The following MDGA2 variants were observed in gnomAD, a reference collection of about 807,000 sequenced individuals.
MDGA2 encodes MAM domain containing glycosylphosphatidylinositol anchor 2.
A neutral mutation model predicts 117.8 loss-of-function variants in MDGA2; 40 were observed. The ratio of observed to expected loss-of-function variants is 0.34; its 90% CI spans 0.26 to 0.44. The LOEUF (loss-of-function observed/expected upper bound fraction) is 0.44. Among genes scored for constraint, MDGA2 ranks in the 20% least tolerant of loss-of-function variants. The pLI, the probability that MDGA2 is intolerant of heterozygous loss-of-function variation, is 1.00. For synonymous variants in MDGA2, 452 were observed against 439.0 expected, an observed-to-expected ratio of 1.03 and a Z score of -0.37; for missense variants, 1,123 against 1,250.6, an observed-to-expected ratio of 0.90 and a Z score of 1.54.
At chr14:47,385,983 T>C (rs1465705468) in intron 1 of MDGA2, among the ~76,000 whole-genome samples, 1 of 152,154 alleles carries the variant, frequency 6.6e-6, no homozygotes, top group African/African-American at 2.4e-5. Flanking sequence ...TTCTAATTTA[T>C]GAAAGCATAG....
intron 8 of MDGA2, among the ~76,000 whole-genome samples, chr14:46,978,982 T>C (rs1886568819): frequency 6.6e-6 from 1 of 152,158 alleles, no homozygotes; most frequent in African/African-American, 2.4e-5. Flanking sequence ...TTATTGTGTT[T>C]CACAGACAAT....
intron 1 of MDGA2, among the ~76,000 whole-genome samples, chr14:47,644,230 T>C (rs1040362291): frequency 1.3e-5 from 2 of 152,176 alleles, no homozygotes; most frequent in Admixed American, 1.3e-4. Context: ...AAAATGTGAT[T>C]ACATTAAAGA....
chr14:47,624,273 C>T (rs1373419053), intron 1 of MDGA2, among the ~76,000 whole-genome samples: 1 of 152,126 alleles, frequency 6.6e-6, no homozygotes, highest in African/African-American at 2.4e-5. Context: ...GCATGGCCAA[C>T]ACAGTGAAAT....
chr14:47,527,531 G>A (rs921977535), intron 1 of MDGA2, among the ~76,000 whole-genome samples: 2 of 152,198 alleles, frequency 1.3e-5, no homozygotes, highest in Non-Finnish European at 2.9e-5. Flanking sequence ...AAACAAGTGA[G>A]CCAAAAACTG....
chr14:47,290,473 T>TA, intron 2 of MDGA2, among the ~76,000 whole-genome samples: 1 of 152,288 alleles, frequency 6.6e-6, no homozygotes, highest in East Asian at 1.9e-4. Context: ...TATTTTGTTA[T>TA]AGCAGTCCAG....
chr14:47,213,966 T>C (rs1462954600), intron 3 of MDGA2, among the ~76,000 whole-genome samples: 1 of 152,124 alleles, frequency 6.6e-6, no homozygotes, highest in Non-Finnish European at 1.5e-5. Context: ...GAGTACCTTT[T>C]TGGCGAGTAG....
intron 1 of MDGA2, among the ~76,000 whole-genome samples, chr14:47,509,275 A>T (rs1594892736): frequency 1.3e-5 from 2 of 152,344 alleles, no homozygotes; most frequent in South Asian, 4.1e-4. Flanking sequence ...GTGCGTGAGT[A>T]TATTTTGTAA....
chr14:47,067,650 G>C (rs1024726571), intron 6 of MDGA2, among the ~76,000 whole-genome samples: 1 of 152,138 alleles, frequency 6.6e-6, no homozygotes, highest in African/African-American at 2.4e-5. Context: ...GTTTGTTCCT[G>C]TCTCTGAAAT....
intron 1 of MDGA2, among the ~76,000 whole-genome samples, chr14:47,314,950 T>C (rs1889759536): frequency 6.6e-6 from 1 of 152,126 alleles, no homozygotes; most frequent in African/African-American, 2.4e-5. Context: ...GCATATTGTG[T>C]ACCTAGAGAC....
chr14:47,298,338 T>TA (rs1163744955), intron 2 of MDGA2, among the ~76,000 whole-genome samples: 3 of 151,704 alleles, frequency 2.0e-5, no homozygotes. Context: ...CAATATACCA[T>TA]AAAAAAAATT....
rs56313968 is a variant in MDGA2, at chr14:47,636,784, C to CAAAAAA, written c.280+37727_280+37732dup. ...TGGGCGACAGAGCGAGACTCCGTCT[C>CAAAAAA]AAAAAAAAAAAAAAAAAAAAAAAAA... On this transcript the variant is annotated intron_variant, in intron 1 of 16. Coordinates refer to ENST00000399232, the MANE Select transcript of MDGA2 (RefSeq NM_001113498.3). Among the ~76,000 whole-genome samples the CAAAAAA allele has an allele frequency of 5.2e-4, 24 of 45,998 alleles. 1 individual carries two copies. The highest frequency in any genetic ancestry group is 3.9e-3 in the East Asian group (5 of 1,290). The allele number at this position is 45,998 out of a possible 152,430, so 30.2% of individuals were successfully genotyped here. A position where few individuals can be genotyped will look rare whatever the true frequency, so the allele number is the denominator to read the frequency against.
At chr14:47,621,516 C>T (rs1897049702) in intron 1 of MDGA2, among the ~76,000 whole-genome samples, 1 of 152,066 alleles carries the variant, frequency 6.6e-6, no homozygotes, top group Non-Finnish European at 1.5e-5. Context: ...TACATTCTTG[C>T]CTCTTTTCAT....
intron 1 of MDGA2, among the ~76,000 whole-genome samples, chr14:47,403,568 G>A (rs1241577391): frequency 3.3e-5 from 5 of 152,054 alleles, no homozygotes; most frequent in African/African-American, 1.2e-4. Flanking sequence ...CACTGCCATT[G>A]TCTCAACTCA....
chr14:47,094,168 A>G (rs933442284), intron 6 of MDGA2, among the ~76,000 whole-genome samples: 3 of 152,074 alleles, frequency 2.0e-5, no homozygotes, highest in Admixed American at 2.0e-4. Context: ...TTCTAAATTC[A>G]GTAAGATTAT....
intron 1 of MDGA2, among the ~76,000 whole-genome samples, chr14:47,660,047 T>G (rs746143881): frequency 3.3e-5 from 5 of 152,198 alleles, no homozygotes; most frequent in Admixed American, 6.5e-5. Context: ...CCATGCTTTT[T>G]TTTTTTAAAG....
intron 13 of MDGA2, 43 bp from the exon 14 acceptor site, chr14:46,873,634 G>A: frequency 6.6e-7 from 1 of 1,515,548 alleles, no homozygotes. Flanking sequence ...ATTATTCTTA[G>A]GCATAATGAA....
At chr14:47,153,365 T>C (rs889805224) in intron 3 of MDGA2, among the ~76,000 whole-genome samples, 15 of 152,044 alleles carry the variant, frequency 9.9e-5, no homozygotes, top group Non-Finnish European at 2.1e-4. Context: ...AGGTGGGAGT[T>C]AAAAAAGGTC....
chr14:46,953,704 A>G (rs1885453235), intron 9 of MDGA2, among the ~76,000 whole-genome samples: 1 of 152,056 alleles, frequency 6.6e-6, no homozygotes, highest in Admixed American at 6.6e-5. Context: ...GTCAGAAACA[A>G]GTCTGTTAAA....
chr14:47,343,140 T>C, intron 1 of MDGA2: 13 of 1,182,024 alleles, frequency 1.1e-5, no homozygotes, highest in Non-Finnish European at 1.4e-5. Flanking sequence ...ATGAAACAGC[T>C]GAGGTTACTT....
Sources: allele counts gnomAD v4.1 joint callset (sites outside exome capture counted in the v4.1 genomes callset), GRCh38; gene constraint gnomAD v4.1.1; transcripts MANE v1.5; gene names NCBI Gene and HGNC (gene_info 2026-07-23, HGNC 2026-07-21).